Variants in POU2AF3 observed in about 807,000 individuals in gnomAD.
POU2AF3 encodes POU class 2 homeobox associating factor 3.
chr11:111,307,992 G>A, the POU2AF3 span: 1 of 1,360,000 alleles, frequency 7.4e-7, no homozygotes, highest in East Asian at 2.6e-5. Flanking sequence ...ACTCTGCATT[G>A]GTAAACCCAC....
At chr11:111,301,804 G>T in the POU2AF3 span, among the ~76,000 whole-genome samples, 10 of 152,182 alleles carry the variant, frequency 6.6e-5, no homozygotes, top group Non-Finnish European at 1.3e-4. Flanking sequence ...AATGTTAGTT[G>T]TCATTATTTG....
the POU2AF3 span, among the ~76,000 whole-genome samples, chr11:111,304,497 A>T: frequency 2.0e-5 from 3 of 152,190 alleles, no homozygotes; most frequent in African/African-American, 7.2e-5. Flanking sequence ...CTCCCCAAGC[A>T]AGCAAACATA....
chr11:111,299,002 GGCGCCCGCTGCCCGCGGA>G, the POU2AF3 span: 1 of 996,920 alleles, frequency 1.0e-6, no homozygotes, highest in Non-Finnish European at 1.2e-6. Context: ...GACCCCGAGG[GGCGCCCGCTGCCCGCGGA>G]GTCCGGAGCC....
the POU2AF3 span, among the ~76,000 whole-genome samples, chr11:111,300,921 T>G: frequency 0.71 from 107,693 of 152,120 alleles, 38,329 homozygotes; most frequent in South Asian, 0.83. Context: ...CAGGTAAGTA[T>G]ACATCGTTTT....
chr11:111,307,955 A>G, the POU2AF3 span: 1 of 1,008,458 alleles, frequency 9.9e-7, no homozygotes, highest in Non-Finnish European at 1.4e-6. Flanking sequence ...GTTTCGTTTG[A>G]TTTGGTTTTT....
the POU2AF3 span, among the ~76,000 whole-genome samples, chr11:111,305,651 C>A: frequency 6.6e-6 from 1 of 152,318 alleles, no homozygotes; most frequent in East Asian, 1.9e-4. Context: ...CTCTAATCCT[C>A]TCTTCTTCCA....
the POU2AF3 span, among the ~76,000 whole-genome samples, chr11:111,307,076 G>A: frequency 2.0e-4 from 30 of 152,194 alleles, 1 homozygote; most frequent in African/African-American, 7.2e-4. Context: ...GTTTTGCTTT[G>A]TTTTGTCATT....
the POU2AF3 span, chr11:111,300,429 C>T: frequency 4.7e-6 from 2 of 422,438 alleles, no homozygotes; most frequent in Admixed American, 4.5e-5. Context: ...AACTTAGAAA[C>T]TTGGCTTTGG....
the POU2AF3 span, chr11:111,299,998 CAG>C: frequency 2.5e-6 from 1 of 397,626 alleles, no homozygotes; most frequent in Non-Finnish European, 4.4e-6. Context: ...GGAGCCTGCC[CAG>C]AAGCCACACC....
chr11:111,308,319 C>G, the POU2AF3 span: 2 of 1,551,756 alleles, frequency 1.3e-6, no homozygotes, highest in Non-Finnish European at 1.7e-6. Flanking sequence ...GACTTGGATG[C>G]TCTCCAGGCA....
the POU2AF3 span, among the ~76,000 whole-genome samples, chr11:111,307,284 G>A: frequency 6.6e-6 from 1 of 152,084 alleles, no homozygotes; most frequent in Non-Finnish European, 1.5e-5. Context: ...AGTTATTTCA[G>A]TTGTCTTTTA....
the POU2AF3 span, chr11:111,299,669 C>A: frequency 8.1e-7 from 1 of 1,230,692 alleles, no homozygotes. Flanking sequence ...GCTGCGCGGA[C>A]TCGCCCCGGA....
At chr11:111,308,157 A>C in the POU2AF3 span, 1 of 1,551,718 alleles carries the variant, frequency 6.4e-7, no homozygotes, top group Non-Finnish European at 8.7e-7. Flanking sequence ...TATGCTCCAG[A>C]GAATTACAAT....
At chr11:111,308,708 T>C in the POU2AF3 span, 1 of 275,016 alleles carries the variant, frequency 3.6e-6, no homozygotes, top group Non-Finnish European at 6.7e-6. Flanking sequence ...GTCTCCTTTT[T>C]TACTAATAAA....
the POU2AF3 span, among the ~76,000 whole-genome samples, chr11:111,304,088 T>C: frequency 6.6e-6 from 1 of 152,102 alleles, no homozygotes; most frequent in Non-Finnish European, 1.5e-5. Context: ...TCCCGACCAT[T>C]AACTAGAATG....
At chr11:111,308,472 A>T in the POU2AF3 span, 2 of 1,503,330 alleles carry the variant, frequency 1.3e-6, no homozygotes, top group Non-Finnish European at 1.8e-6. Context: ...TGGCATGGGT[A>T]TATCTATTTT....
chr11:111,304,967 G>T, the POU2AF3 span: 1 of 1,232,830 alleles, frequency 8.1e-7, no homozygotes, highest in Non-Finnish European at 1.0e-6. Context: ...AGACCCAGTT[G>T]CACCATCTTC....
At chr11:111,304,349 A>G in the POU2AF3 span, among the ~76,000 whole-genome samples, 2 of 152,194 alleles carry the variant, frequency 1.3e-5, no homozygotes, top group African/African-American at 4.8e-5. Flanking sequence ...TTTAAATCGA[A>G]TAGTTTAATA....
the POU2AF3 span, chr11:111,298,825 G>GGCGGGC: frequency 4.7e-6 from 4 of 852,674 alleles, no homozygotes; most frequent in Non-Finnish European, 4.6e-6. Flanking sequence ...GCGTACCCCA[G>GGCGGGC]GCCCCCGCCC....
Sources: allele counts gnomAD v4.1 joint callset (sites outside exome capture counted in the v4.1 genomes callset), GRCh38; gene constraint gnomAD v4.1.1; transcripts MANE v1.5; gene names NCBI Gene and HGNC (gene_info 2026-07-23, HGNC 2026-07-21).